The following LRSAM1 variants were observed in gnomAD, a reference collection of about 807,000 sequenced individuals.
The protein encoded by LRSAM1 is E3 ubiquitin-protein ligase LRSAM1.
In LRSAM1, 96 loss-of-function variants were observed where a neutral mutation model predicts 118.1. The ratio of observed to expected loss-of-function variants is 0.81; its 90% CI spans 0.69 to 0.96. The LOEUF (loss-of-function observed/expected upper bound fraction) is 0.96. LRSAM1 is among the 40% of genes least tolerant of loss of function. LRSAM1 has a pLI of 0.00. For synonymous variants in LRSAM1, 322 were observed against 364.2 expected (o/e 0.88, Z 1.32); for missense variants, 804 against 915.5 (o/e 0.88, Z 1.57).
At chr9:127,490,888 C>A (rs901060578) in intron 19 of LRSAM1, among the ~76,000 whole-genome samples, 1 of 152,090 alleles carries the variant, frequency 6.6e-6, no homozygotes, top group Non-Finnish European at 1.5e-5. Flanking sequence ...TTTACTCTGG[C>A]CTGAATCCCC....
intron 11 of LRSAM1, among the ~76,000 whole-genome samples, chr9:127,476,650 C>T (rs1036887817): frequency 1.3e-5 from 2 of 151,948 alleles, no homozygotes; most frequent in African/African-American, 2.4e-5. Context: ...GTGGCATGAG[C>T]GAATTTTCGA....
rs1243599949 is a variant in LRSAM1, at chr9:127,465,967, A to G, written c.529-1773A>G. Among the ~76,000 whole-genome samples the G allele has an allele frequency of 6.6e-6, 1 of 151,382 alleles. No homozygotes were observed. The highest frequency in any genetic ancestry group is 1.5e-5 in the Non-Finnish European group (1 of 67,886). ...GCTGATAAACATTTGTCATTACATA[A>G]TTTAAAAGTCATACTGTATATTGTA... On this transcript the variant is annotated intron_variant, in intron 9 of 25. Transcript: ENST00000300417. The surrounding 1 kb of genome is among the most constrained non-coding windows in gnomAD (Gnocchi z 4.1).
In LRSAM1 at chr9:127,477,692, G is replaced by A. The variant is rs111752827; in HGVS notation, c.751-1242G>A. On this transcript the variant is annotated intron_variant, in intron 11 of 25. Transcript: ENST00000300417. ...TAGAGCCCAGGAGGTCGCGGCTGCA[G>A]TGAGCTGAGATTGTGCCACTGCACT... 3.9e-3 allele frequency among the ~76,000 whole-genome samples: 586 copies of A among 151,896 alleles called. 1 individual carries two copies. Among genetic ancestry groups the A allele is most frequent in the African/African-American group, 0.013 (558 of 41,406 alleles).
At chr9:127,471,192 T>C (rs1211333300) in intron 10 of LRSAM1, among the ~76,000 whole-genome samples, 8 of 151,966 alleles carry the variant, frequency 5.3e-5, no homozygotes, top group Admixed American at 4.6e-4. Context: ...TTAAAAAGAT[T>C]TTGGGGCCGA....
chr9:127,481,308 A>G, intron 15 of LRSAM1, 81 bp downstream of exon 15: 1 of 1,488,974 alleles, frequency 6.7e-7, no homozygotes, highest in Non-Finnish European at 9.2e-7. Context: ...GCTGGAGTGC[A>G]GTGGCACAAT....
intron 4 of LRSAM1, 151 bp from the exon 5 acceptor site, chr9:127,455,425 A>G: frequency 1.2e-6 from 1 of 801,142 alleles, no homozygotes; most frequent in Non-Finnish European, 2.1e-6. Context: ...ACTGCTTGCC[A>G]GCCTTGCCCC....
intron 9 of LRSAM1, among the ~76,000 whole-genome samples, chr9:127,464,788 G>A (rs1338293699): frequency 6.6e-6 from 1 of 151,748 alleles, no homozygotes; most frequent in African/African-American, 2.4e-5. Flanking sequence ...GACCACAGGT[G>A]TACCCCATCA....
intron 10 of LRSAM1, among the ~76,000 whole-genome samples, chr9:127,471,976 T>C (rs1275487993): frequency 6.6e-6 from 1 of 151,568 alleles, no homozygotes; most frequent in African/African-American, 2.4e-5. Flanking sequence ...AATAATTTTT[T>C]TTTTTGAGAC....
chr9:127,488,311 G>T (rs1183022311), intron 18 of LRSAM1, among the ~76,000 whole-genome samples: 3 of 152,120 alleles, frequency 2.0e-5, no homozygotes, highest in Middle Eastern at 3.4e-3. Flanking sequence ...GCCCAGTTTG[G>T]AGTGCAGTGG....
In LRSAM1 at chr9:127,498,931, C is replaced by T. The variant is rs561381804; in HGVS notation, c.1912+1597C>T. 2.8e-3 allele frequency among the ~76,000 whole-genome samples: 431 copies of T among 151,888 alleles called. 1 individual carries two copies. Among genetic ancestry groups the T allele is most frequent in the Non-Finnish European group, 4.6e-3 (315 of 67,950 alleles). On this transcript the variant is annotated intron_variant, in intron 24 of 25. Coordinates refer to ENST00000300417, the MANE Select transcript of LRSAM1 (RefSeq NM_001005373.4). ...AAAATTAGCCAGGCGTGGTGGCGTGCACCTGTAGTCCCAGACTCAGGAGGC... is the reference window on the plus strand; with the variant it reads ...AAAATTAGCCAGGCGTGGTGGCGTGTACCTGTAGTCCCAGACTCAGGAGGC...
intron 9 of LRSAM1, among the ~76,000 whole-genome samples, chr9:127,463,098 C>G (rs868482666): frequency 4.0e-5 from 6 of 149,742 alleles, no homozygotes; most frequent in Non-Finnish European, 8.8e-5. Flanking sequence ...TCGGGGGAGG[C>G]TGAGACAGGA....
chr9:127,487,495 G>T, intron 17 of LRSAM1, 181 bp from the exon 18 acceptor site: 2 of 598,778 alleles, frequency 3.3e-6, no homozygotes, highest in Non-Finnish European at 6.1e-6. Context: ...TTCCCTCCAG[G>T]CCATGGGATT....
At chr9:127,468,717 T>C (rs2132033514) in intron 10 of LRSAM1, among the ~76,000 whole-genome samples, 1 of 148,772 alleles carries the variant, frequency 6.7e-6, no homozygotes, top group South Asian at 2.1e-4. Flanking sequence ...GGCTTGCGCC[T>C]GTAATCCCAG....
intron 7 of LRSAM1, 27 bp from the exon 8 acceptor site, chr9:127,461,146 G>A (rs186148880): frequency 3.8e-6 from 6 of 1,588,992 alleles, no homozygotes; most frequent in East Asian, 2.3e-5. Context: ...AAGCCACTGC[G>A]CCTGGCTGCC....
At chr9:127,458,935 A>G (rs1389711684) in intron 6 of LRSAM1, 68 bp from the exon 7 acceptor site, 42 of 1,539,922 alleles carry the variant, frequency 2.7e-5, no homozygotes, top group Non-Finnish European at 3.6e-5. Context: ...GCCCCTCCTC[A>G]GCGCTCTGGA....
intron 16 of LRSAM1, among the ~76,000 whole-genome samples, chr9:127,483,567 G>C (rs1835618102): frequency 6.6e-6 from 1 of 152,208 alleles, no homozygotes; most frequent in South Asian, 2.1e-4. Context: ...TTATCAGGGG[G>C]AGTGTTCATA....
chr9:127,472,355 A>G (rs2995822), intron 10 of LRSAM1, among the ~76,000 whole-genome samples: 65,304 of 151,648 alleles, frequency 0.43, 14,861 homozygotes, highest in Non-Finnish European at 0.5. Flanking sequence ...AAAAAACATT[A>G]AAGAGGCTGG....
At chr9:127,454,910 C>A in intron 3 of LRSAM1, 88 bp from the exon 4 acceptor site, 1 of 1,281,928 alleles carries the variant, frequency 7.8e-7, no homozygotes, top group Non-Finnish European at 1.1e-6. Context: ...TCCTTTGCAG[C>A]TGCTTACATT....
chr9:127,501,015 A>G lies in LRSAM1; in HGVS notation c.1918A>G (p.Lys640Glu), dbSNP rs1836365918. Residue 640 changes from lysine to glutamate, a missense_variant, in exon 25 of 26, where the codon AAA becomes GAA. Physicochemically the swap from Lys to Glu is moderately conservative, Grantham distance 56 (BLOSUM62 1). Coordinates refer to ENST00000300417, the MANE Select transcript of LRSAM1 (RefSeq NM_001005373.4). ...LDAARIQPEL[K>E]PPMGEVVTPT... ...TGTCTGTCTGGTCCCCACAGAGCTG[A>G]AACCACCAATGGGTGAGGTCGTCAC... 1 of 1,613,836 alleles carries G rather than the reference A, an allele frequency of 6.2e-7. No individual in the cohort carries two copies. Among genetic ancestry groups the G allele is most frequent in the African/African-American group, 1.3e-5 (1 of 74,916 alleles).
Sources: gnomAD v4.1 joint callset for allele counts (sites outside exome capture counted in the v4.1 genomes callset) on GRCh38, gnomAD v4.1.1 for gene constraint, Gnocchi (gnomAD v3.1) non-coding constraint, MANE v1.5 for transcripts, NCBI Gene and HGNC (gene_info 2026-07-23, HGNC 2026-07-21) for gene names.